ELL3: variants seen among roughly 807,000 people sequenced by gnomAD.
ELL3 encodes the protein elongation factor for RNA polymerase II 3.
A neutral mutation model predicts 58.5 loss-of-function variants in ELL3; 48 were observed. That is an observed-to-expected ratio of 0.82 (90% confidence interval 0.65 to 1.04). The LOEUF is 1.04. Among genes scored for constraint, ELL3 ranks in the 50% least tolerant of loss-of-function variants. The pLI is 0.00. For missense variants in ELL3, 458 were observed against 478.4 expected, an observed-to-expected ratio of 0.96 and a Z score of 0.40; for synonymous variants, 174 against 173.2, an observed-to-expected ratio of 1.00 and a Z score of -0.04.
chr15:43,776,413 C>T, intron 2 of ELL3, 96 bp downstream of exon 2: 4 of 1,532,578 alleles, frequency 2.6e-6, no homozygotes, highest in Non-Finnish European at 3.5e-6. Context: ...ACCGTGACTA[C>T]TCGCAGCCTC....
intron 1 of ELL3, 97 bp downstream of exon 1, chr15:43,776,673 G>T (rs777304734): frequency 1.0e-4 from 161 of 1,547,650 alleles, no homozygotes; most frequent in Non-Finnish European, 1.4e-4. Flanking sequence ...AGAGCTTGCG[G>T]AAGCCGCTCC....
Position 43,776,803 on chromosome 15 carries a change from G to A in ELL3, c.99C>T (p.Ala33=), listed in dbSNP as rs756052870. 7 of 1,611,124 alleles carry A rather than the reference G, an allele frequency of 4.3e-6. No individual in the cohort carries two copies. In the South Asian group the frequency reaches 6.6e-5, roughly 15 times the overall value. The part of the protein sequence containing the change: ...SLLLLRLNDA[A]LRALQECQRQ... ...GCTGACACTCTTGCAGCGCCCGCAG[G>A]GCAGCGTCGTTGAGCCTGAGCAGTA... is the stretch of plus-strand genomic sequence containing the variant. Residue 33 remains alanine (A), a synonymous_variant, in exon 1 of 11, where the codon GCC becomes GCT. Coordinates refer to ENST00000319359, the MANE Select transcript of ELL3 (RefSeq NM_025165.3).
chr15:43,772,981 A>T lies in ELL3; in HGVS notation c.*135T>A. The T allele has an allele frequency of 1.2e-6, 1 of 804,372 alleles. No homozygotes were observed. Among genetic ancestry groups the T allele is most frequent in the South Asian group, 1.8e-5 (1 of 54,242 alleles). The allele number at this position is 804,372 out of a possible 1,614,324, so 49.8% of individuals were successfully genotyped here. A position where few individuals can be genotyped will look rare whatever the true frequency, so the allele number is the denominator to read the frequency against. ...TGAAAACCAAACCTCAAGAACCTAG[A>T]GCAGCTCTCTACTTGCCACCATGGA... On this transcript the variant is annotated 3_prime_UTR_variant, in exon 11 of 11. Transcript: ENST00000319359.
intron 3 of ELL3, 31 bp downstream of exon 3, chr15:43,776,008 C>G (rs749890034): frequency 6.2e-6 from 10 of 1,612,956 alleles, no homozygotes; most frequent in Non-Finnish European, 1.7e-6. Context: ...TTCCACAAAC[C>G]CTTTCTTGCC....
rs759180965 is a variant in ELL3 at position 43,775,351 on chromosome 15, A to G, written c.600T>C (p.Pro200=). The change falls in exon 6 of 11, where the codon CCT becomes CCC. Residue 200 remains proline, a synonymous_variant. Transcript: ENST00000319359. Reference sequence around the variant, plus strand: ...TGGCAGAGGAAGGCAGTGCCTGAACAGGTTCTCTGTTTGGAACATGGGTCT... The same window carrying G: ...TGGCAGAGGAAGGCAGTGCCTGAACGGGTTCTCTGTTTGGAACATGGGTCT... The part of the protein sequence containing the change: ...RSQTHVPNRE[P]VQALPSSASR... The G allele has an allele frequency of 2.5e-6, 4 of 1,613,664 alleles. No homozygotes were observed. In the East Asian group the frequency reaches 6.7e-5, roughly 27 times the overall value.
rs1322315038 is a variant in ELL3, at chr15:43,775,724, C to T, written c.481G>A (p.Glu161Lys). The T allele has an allele frequency of 6.2e-7, 1 of 1,614,154 alleles. No individual in the cohort carries two copies. Residue 161 changes from glutamate (E) to lysine (K), a missense_variant and splice_region_variant, in exon 4 of 11, where the codon GAG (glutamate) becomes AAG (lysine). Glu to Lys is a moderately conservative substitution (Grantham distance 56, BLOSUM62 1). Transcript: ENST00000319359. ...CTGCAATTTCTGGCCTCACCCACCT[C>T]CTCTAGTGCCATCTGTGGCTGTGAT... The part of the protein sequence containing the change: ...AVSQPQMALE[E>K]VSVSDPLASN...
chr15:43,775,510 C>T lies in ELL3; in HGVS notation c.569+15G>A. 1 of 1,614,056 alleles carries T rather than the reference C, an allele frequency of 6.2e-7. No homozygotes were observed. The highest frequency in any genetic ancestry group is 2.2e-5 in the East Asian group (1 of 44,886). On this transcript the variant is annotated intron_variant, in intron 5 of 10. Transcript: ENST00000319359. ...GCCAAAGCTTCCCATGTTAGTCCCA[C>T]CCCATCCAAAGTACCTCACTTCCCA...
intron 1 of ELL3, 86 bp downstream of exon 1, chr15:43,776,684 C>A: frequency 6.4e-7 from 1 of 1,553,328 alleles, no homozygotes; most frequent in Non-Finnish European, 8.7e-7. Flanking sequence ...AAGCCGCTCC[C>A]TCTCCCCTGC....
rs774906694 is a variant in ELL3, at chr15:43,775,742, G to A, written c.463C>T (p.Pro155Ser). The change falls in exon 4 of 11, where the codon CCA becomes TCA. Residue 155 changes from proline (P) to serine (S), a missense_variant. Transcript: ENST00000319359. The stretch of plus-strand genomic sequence containing the variant: ...CCCACCTCCTCTAGTGCCATCTGTG[G>A]CTGTGATACTGCATCTCCTTCAGAA... ...GYSEGDAVSQPQMALEEVSVS... is the reference protein window; with the variant it reads ...GYSEGDAVSQSQMALEEVSVS... The A allele has an allele frequency of 6.2e-7, 1 of 1,614,034 alleles. No individual in the cohort carries two copies. Among genetic ancestry groups the A allele is most frequent in the African/African-American group, 1.3e-5 (1 of 74,916 alleles).
chr15:43,774,978 A>T (rs570683396), intron 6 of ELL3, among the ~76,000 whole-genome samples: 52 of 152,042 alleles, frequency 3.4e-4, no homozygotes, highest in Admixed American at 1.1e-3. Context: ...ACAAAAAAAT[A>T]AAAAAATGAG....
chr15:43,775,812 A>C lies in ELL3; in HGVS notation c.393T>G (p.Thr131=), dbSNP rs1351320880. ...AACTCTCAGGATGTCTGGCATCTTC[A>C]GTCAGGTTGTGTCCCTGAACTGATG... The part of the protein sequence containing the change: ...APSSVQGHNL[T]EDARHPESWQ... Residue 131 remains threonine (T), a synonymous_variant, in exon 4 of 11, where the codon ACT becomes ACG. Coordinates refer to ENST00000319359, the MANE Select transcript of ELL3 (RefSeq NM_025165.3). 1 of 1,614,176 alleles carries C rather than the reference A, an allele frequency of 6.2e-7. No individual in the cohort carries two copies. The highest frequency in any genetic ancestry group is 1.1e-5 in the South Asian group (1 of 91,076).
At chr15:43,776,418 A>G in intron 2 of ELL3, 91 bp downstream of exon 2, 1 of 1,537,790 alleles carries the variant, frequency 6.5e-7, no homozygotes, top group Non-Finnish European at 8.8e-7. Flanking sequence ...GACTACTCGC[A>G]GCCTCCGGCC....
chr15:43,776,942 G>T lies in ELL3; in HGVS notation c.-41C>A. 6.2e-7 allele frequency: 1 copy of T among 1,602,708 alleles called. No homozygotes were observed. Among genetic ancestry groups the T allele is most frequent in the Non-Finnish European group, 8.5e-7 (1 of 1,178,672 alleles). ...TGCAAGCAGCACGGGGGCCACAGGC[G>T]AGGGCCACCACCGCCACCTCCTCTG... On this transcript the variant is annotated 5_prime_UTR_variant, in exon 1 of 11. Transcript: ENST00000319359.
In ELL3 at chr15:43,774,359, A is replaced by G; in HGVS notation, c.867-6T>C. The stretch of plus-strand genomic sequence containing the variant: ...TGTGGATGGCCCTGTATTGCCTGCC[A>G]GGAGCAGAGAGTTGTCACCTTCAAT... On this transcript the variant is annotated splice_polypyrimidine_tract_variant and splice_region_variant and intron_variant, in intron 8 of 10. Transcript: ENST00000319359. 1 of 1,614,072 alleles carries G rather than the reference A, an allele frequency of 6.2e-7. No individual in the cohort carries two copies. The highest frequency in any genetic ancestry group is 8.5e-7 in the Non-Finnish European group (1 of 1,179,898).
rs748210585 is a variant in ELL3 at position 43,775,788 on chromosome 15, ACT to A, written c.415_416del (p.Ser139LeufsTer9). 46 of 1,613,984 alleles carry A rather than the reference ACT, an allele frequency of 2.9e-5. No homozygotes were observed. The highest frequency in any genetic ancestry group is 2.6e-5 in the Non-Finnish European group (31 of 1,180,032). ...CAGAATAGCCTCCTGTGTTCTGCCA[ACT>A]CTCAGGATGTCTGGCATCTTCAGTC... The part of the protein sequence containing the change: ...NLTEDARHPE[S>X]WQNTGGYSEG... On this transcript the variant is annotated frameshift_variant, in exon 4 of 11. Transcript: ENST00000319359. LOFTEE classifies it high-confidence loss of function.
chr15:43,774,562 C>A (rs1159964004), intron 7 of ELL3, 34 bp downstream of exon 7: 1 of 1,613,962 alleles, frequency 6.2e-7, no homozygotes, highest in Non-Finnish European at 8.5e-7. Context: ...AAGTCTTTTC[C>A]ACTGGCATTT....
At position 43,774,334 on chromosome 15, in the gene ELL3, T is replaced by C. The variant is rs764167534; in HGVS notation, c.886A>G (p.Ser296Gly). Residue 296 changes from serine (S) to glycine (G), a missense_variant, in exon 9 of 11, where the codon AGT (serine) becomes GGT (glycine). Transcript: ENST00000319359. ...TCATAGGCATGTTGCTGTTCTGCAC[T>C]GTGGATGGCCCTGTATTGCCTGCCA... ...DYLLQYRAIH[S>G]AEQQHAYEQD... 25 of 1,614,070 alleles carry C rather than the reference T, an allele frequency of 1.5e-5. No individual in the cohort carries two copies. The highest frequency in any genetic ancestry group is 1.9e-5 in the Non-Finnish European group (23 of 1,179,994).
chr15:43,774,422 G>T, intron 8 of ELL3, 54 bp downstream of exon 8: 1 of 1,613,684 alleles, frequency 6.2e-7, no homozygotes. Flanking sequence ...TCCAGGAAGT[G>T]TATCTTAATA....
At position 43,775,443 on chromosome 15, in the gene ELL3, T is replaced by C. The variant is rs963543797; in HGVS notation, c.570-62A>G. Reference sequence around the variant, plus strand: ...AGGGTAGGAGGTGGAACTGGATCTTTTATTACAACATTTAAGAGTGGAGAT... The same window carrying C: ...AGGGTAGGAGGTGGAACTGGATCTTCTATTACAACATTTAAGAGTGGAGAT... On this transcript the variant is annotated intron_variant, in intron 5 of 10. Coordinates refer to ENST00000319359, the MANE Select transcript of ELL3 (RefSeq NM_025165.3). The C allele has an allele frequency of 4.9e-5, 78 of 1,607,354 alleles. No homozygotes were observed. In the African/African-American group the frequency reaches 9.6e-4, roughly 20 times the overall value.
Sources: gnomAD v4.1 joint callset for allele counts (sites outside exome capture counted in the v4.1 genomes callset) on GRCh38, gnomAD v4.1.1 for gene constraint, MANE v1.5 for transcripts, NCBI Gene and HGNC (gene_info 2026-07-23, HGNC 2026-07-21) for gene names.